ST6GAL1: variants seen among roughly 807,000 people sequenced by gnomAD.
ST6GAL1 encodes ST6 beta-galactoside alpha-2,6-sialyltransferase 1.
ST6GAL1 carries 20 observed loss-of-function variants against 38.0 expected under a neutral mutation model. The observed-to-expected ratio is 0.53, with a 90% confidence interval of 0.37 to 0.77. The LOEUF (loss-of-function observed/expected upper bound fraction) is 0.77, where lower values mean the gene tolerates loss of function less well. ST6GAL1 is among the 30% of genes least tolerant of loss of function. The probability of loss-of-function intolerance (pLI) is 0.00; values close to 1 mark genes in which losing one functional copy is unlikely to be tolerated. For synonymous variants in ST6GAL1, 196 were observed against 188.2 expected, an observed-to-expected ratio of 1.04 and a Z score of -0.34; for missense variants, 432 against 496.4, an observed-to-expected ratio of 0.87 and a Z score of 1.23.
chr3:187,019,384 A>G (rs1056580956), intron 2 of ST6GAL1, among the ~76,000 whole-genome samples: 1 of 152,230 alleles, frequency 6.6e-6, no homozygotes, highest in Non-Finnish European at 1.5e-5. Context: ...GCTAGAGCAA[A>G]TAAACTCACG....
intron 2 of ST6GAL1, among the ~76,000 whole-genome samples, chr3:186,995,481 G>A (rs1716362153): frequency 7.1e-6 from 1 of 141,534 alleles, no homozygotes; most frequent in Admixed American, 7.7e-5. Context: ...ACTCCAGCCT[G>A]GGTGACAGAG....
chr3:186,971,231 GGTGT>G (rs1715338468), intron 2 of ST6GAL1, among the ~76,000 whole-genome samples: 1 of 147,970 alleles, frequency 6.8e-6, no homozygotes, highest in South Asian at 2.1e-4. Context: ...TGGGATTACA[GGTGT>G]GCGCCACCAT....
At chr3:187,001,955 CAA>C (rs757487688) in intron 2 of ST6GAL1, among the ~76,000 whole-genome samples, 51,603 of 130,332 alleles carry the variant, frequency 0.4, 9,254 homozygotes, top group Middle Eastern at 0.54. Context: ...GACTTTGTCT[CAA>C]AAAAAAAAAA....
intron 1 of ST6GAL1, among the ~76,000 whole-genome samples, chr3:186,955,781 G>A (rs539164591): frequency 5.9e-5 from 9 of 152,280 alleles, no homozygotes; most frequent in South Asian, 2.1e-4. Context: ...GATTACAGGC[G>A]TGAGCCACCA....
chr3:187,049,580 C>T (rs575983303), intron 4 of ST6GAL1, among the ~76,000 whole-genome samples: 3 of 152,354 alleles, frequency 2.0e-5, no homozygotes, highest in African/African-American at 4.8e-5. Flanking sequence ...GGTCTCCGCT[C>T]ATCAGGCCAC....
At chr3:187,060,204 G>A (rs1718861821) in intron 5 of ST6GAL1, among the ~76,000 whole-genome samples, 2 of 152,040 alleles carry the variant, frequency 1.3e-5, no homozygotes, top group African/African-American at 2.4e-5. Context: ...CCTGTCACCC[G>A]GGCTGGAGTG....
chr3:186,946,493 C>T (rs1310001116), intron 1 of ST6GAL1, among the ~76,000 whole-genome samples: 2 of 152,054 alleles, frequency 1.3e-5, no homozygotes, highest in Admixed American at 6.6e-5. Context: ...GTGATCCTCC[C>T]GCCGGCCTCC....
At chr3:187,015,232 C>T (rs917542443) in intron 2 of ST6GAL1, among the ~76,000 whole-genome samples, 3 of 152,224 alleles carry the variant, frequency 2.0e-5, no homozygotes, top group Non-Finnish European at 4.4e-5. Flanking sequence ...TCTTACTGCA[C>T]GCACTTCATA....
intron 4 of ST6GAL1, among the ~76,000 whole-genome samples, chr3:187,045,324 CAG>C (rs1386943900): frequency 6.6e-6 from 1 of 151,214 alleles, no homozygotes; most frequent in Non-Finnish European, 1.5e-5. Context: ...GATTTTCTAT[CAG>C]AGAGAGTGTA....
intron 2 of ST6GAL1, among the ~76,000 whole-genome samples, chr3:187,032,477 A>T (rs1389166646): frequency 1.3e-5 from 2 of 152,152 alleles, no homozygotes; most frequent in Non-Finnish European, 2.9e-5. Context: ...TCACCCATTT[A>T]TTCATTCAAC....
chr3:186,999,440 C>G lies in ST6GAL1; in HGVS notation c.-183+35514C>G, dbSNP rs1486318792. 2.8e-5 allele frequency among the ~76,000 whole-genome samples: 4 copies of G among 142,738 alleles called. No homozygotes were observed. The Admixed American group carries it at 2.9e-4, about 10-fold the overall frequency. The allele number at this position is 142,738 out of a possible 152,430, so 93.6% of individuals were successfully genotyped here. The stretch of plus-strand genomic sequence containing the variant: ...TTTTTTTTTTTTTTTGAGACGGAGT[C>G]TCACTCCGTAGCCCAGACTGGAGTG... On this transcript the variant is annotated intron_variant, in intron 2 of 7. Coordinates refer to ENST00000169298, the MANE Select transcript of ST6GAL1 (RefSeq NM_173216.2).
chr3:186,958,086 T>G (rs1714806455), intron 1 of ST6GAL1, among the ~76,000 whole-genome samples: 1 of 152,054 alleles, frequency 6.6e-6, no homozygotes, highest in African/African-American at 2.4e-5. Context: ...TAATGGTATA[T>G]TTAGTGTACT....
At chr3:186,997,104 ATAGT>A (rs1716439161) in intron 2 of ST6GAL1, among the ~76,000 whole-genome samples, 1 of 152,030 alleles carries the variant, frequency 6.6e-6, no homozygotes, top group Non-Finnish European at 1.5e-5. Context: ...GACATGGAAA[ATAGT>A]TAAGTAATAA....
chr3:187,017,658 C>G (rs555657858), intron 2 of ST6GAL1, among the ~76,000 whole-genome samples: 1 of 152,272 alleles, frequency 6.6e-6, no homozygotes, highest in African/African-American at 2.4e-5. Context: ...ACAGTTGTTG[C>G]CTTGGTGACT....
At chr3:187,037,791 T>C (rs780962200) in intron 2 of ST6GAL1, among the ~76,000 whole-genome samples, 39 of 152,194 alleles carry the variant, frequency 2.6e-4, no homozygotes, top group Non-Finnish European at 4.7e-4. Context: ...TTTTTCAAAG[T>C]CAAAGAATAA....
At chr3:186,983,763 T>C (rs1320996786) in intron 2 of ST6GAL1, among the ~76,000 whole-genome samples, 2 of 152,168 alleles carry the variant, frequency 1.3e-5, no homozygotes, top group African/African-American at 4.8e-5. Flanking sequence ...TTGAGTAGCC[T>C]GTCCAAGATC....
At chr3:186,941,779 G>A (rs538042009) in intron 1 of ST6GAL1, among the ~76,000 whole-genome samples, 23 of 152,084 alleles carry the variant, frequency 1.5e-4, no homozygotes, top group Non-Finnish European at 2.8e-4. Context: ...TTGGGAGGCC[G>A]AGGCAGGCGG....
intron 2 of ST6GAL1, among the ~76,000 whole-genome samples, chr3:187,036,653 A>G (rs1811268): frequency 0.04 from 6,123 of 152,320 alleles, 346 homozygotes; most frequent in African/African-American, 0.12. Context: ...ATGCAGGAAC[A>G]GAAAACCAAA....
At chr3:187,068,664 A>G (rs556785993) in intron 5 of ST6GAL1, among the ~76,000 whole-genome samples, 1 of 152,300 alleles carries the variant, frequency 6.6e-6, no homozygotes, top group South Asian at 2.1e-4. Flanking sequence ...AGTCTCAGGG[A>G]GCCAGGAGTT....
Sources: allele counts gnomAD v4.1 joint callset (sites outside exome capture counted in the v4.1 genomes callset), GRCh38; gene constraint gnomAD v4.1.1; transcripts MANE v1.5; gene names NCBI Gene and HGNC (gene_info 2026-07-23, HGNC 2026-07-21).